EXO1: variants seen among roughly 807,000 people sequenced by gnomAD.
EXO1 encodes exonuclease 1.
EXO1 carries 69 observed loss-of-function variants against 84.5 expected under a neutral mutation model. The observed-to-expected ratio is 0.82, with a 90% CI of 0.67 to 1.00. The LOEUF is 1.00. Ranked by LOEUF, EXO1 falls within the 50% of genes least tolerant of loss-of-function variation. EXO1 has a pLI of 0.00. For missense variants in EXO1, 1,045 were observed against 1,000.7 expected, an observed-to-expected ratio of 1.04 and a Z score of -0.60; for synonymous variants, 373 against 366.1, an observed-to-expected ratio of 1.02 and a Z score of -0.21.
chr1:241,882,956 C>T (rs1018407604), intron 14 of EXO1, among the ~76,000 whole-genome samples: 2 of 152,040 alleles, frequency 1.3e-5, no homozygotes, highest in African/African-American at 4.8e-5. Context: ...CCTAAGGAAA[C>T]ATTGAGAATT....
intron 14 of EXO1, among the ~76,000 whole-genome samples, chr1:241,883,089 T>C (rs1662864697): frequency 6.6e-6 from 1 of 152,212 alleles, no homozygotes. Flanking sequence ...GGTAGAAATA[T>C]AGGTGAATTT....
intron 11 of EXO1, among the ~76,000 whole-genome samples, chr1:241,868,981 CTT>C (rs1482835828): frequency 3.3e-5 from 5 of 152,138 alleles, no homozygotes; most frequent in East Asian, 3.8e-4. Flanking sequence ...TCTAGTATCT[CTT>C]TTGTGGACTA....
intron 6 of EXO1, among the ~76,000 whole-genome samples, chr1:241,855,841 C>T (rs1431147503): frequency 6.6e-6 from 1 of 152,246 alleles, no homozygotes; most frequent in Non-Finnish European, 1.5e-5. Flanking sequence ...CCCTCATTGC[C>T]TGGGGCCGAC....
chr1:241,867,196 A>G, intron 11 of EXO1, 141 bp downstream of exon 11: 2 of 720,888 alleles, frequency 2.8e-6, no homozygotes, highest in South Asian at 3.0e-5. Flanking sequence ...CACCCTGCTG[A>G]TAAACACATA....
In EXO1 at chr1:241,850,662, C is replaced by T. The variant is rs1018704875; in HGVS notation, c.161+76C>T. 4.0e-5 allele frequency: 50 copies of T among 1,241,832 alleles called. No homozygotes were observed. The South Asian group carries it at 5.9e-4, about 15-fold the overall frequency. 76.9% of individuals were successfully genotyped at this position (1,241,832 alleles called of 1,614,324 possible). On this transcript the variant is annotated intron_variant, in intron 4 of 15. Transcript: ENST00000366548. ...AGTGCCTTTTTTTCTCCCCCAGAAA[C>T]GGATTGTTTTCACTCAATGCCAGAA...
At chr1:241,873,526 G>A (rs1242731535) in intron 12 of EXO1, among the ~76,000 whole-genome samples, 1 of 151,676 alleles carries the variant, frequency 6.6e-6, no homozygotes, top group Admixed American at 6.6e-5. Flanking sequence ...TTTCTTTGAG[G>A]GCTTCATACA....
intron 11 of EXO1, 136 bp from the exon 12 acceptor site, chr1:241,871,896 C>G (rs905985941): frequency 7.9e-6 from 5 of 631,830 alleles, no homozygotes; most frequent in Non-Finnish European, 1.3e-5. Flanking sequence ...CTTATGTTTT[C>G]TTTTCTGAGG....
intron 13 of EXO1, among the ~76,000 whole-genome samples, chr1:241,880,018 G>GA (rs934356224): frequency 2.7e-5 from 4 of 145,646 alleles, no homozygotes; most frequent in Admixed American, 1.4e-4. Context: ...AAAAAAAAAA[G>GA]AAAAAAAAAG....
At chr1:241,878,428 C>T (rs552802728) in intron 12 of EXO1, among the ~76,000 whole-genome samples, 6 of 149,282 alleles carry the variant, frequency 4.0e-5, no homozygotes, top group South Asian at 2.1e-4. Context: ...ACCCGGGGGG[C>T]GGAGGTTGCA....
chr1:241,860,241 C>G (rs1661303136), intron 8 of EXO1, among the ~76,000 whole-genome samples: 1 of 151,806 alleles, frequency 6.6e-6, no homozygotes, highest in Admixed American at 6.6e-5. Flanking sequence ...GATAATGTAT[C>G]TCAAAGTTAC....
intron 11 of EXO1, among the ~76,000 whole-genome samples, chr1:241,871,002 G>A (rs184072875): frequency 6.6e-6 from 1 of 152,192 alleles, no homozygotes; most frequent in East Asian, 1.9e-4. Context: ...TGATATGAGA[G>A]ACACTCAAAT....
intron 11 of EXO1, among the ~76,000 whole-genome samples, chr1:241,868,127 C>T (rs1661856878): frequency 6.6e-6 from 1 of 152,168 alleles, no homozygotes; most frequent in South Asian, 2.1e-4. Context: ...ATAATCCCAG[C>T]ACTTTGGGAG....
chr1:241,863,774 C>T (rs1441322591), intron 10 of EXO1, among the ~76,000 whole-genome samples: 1 of 152,178 alleles, frequency 6.6e-6, no homozygotes, highest in African/African-American at 2.4e-5. Flanking sequence ...CCATGTGTGG[C>T]TATTTAAATT....
Position 241,885,524 on chromosome 1 carries a change from CT to C in EXO1, c.2405+19del. On this transcript the variant is annotated intron_variant, in intron 15 of 15. Coordinates refer to ENST00000366548, the MANE Select transcript of EXO1 (RefSeq NM_130398.4). ...ATTTAAAAAGTGAGTTGCCTTGTTT[CT>C]TATTCTGAAACAAGATAAACTGTTA... is the stretch of plus-strand genomic sequence containing the variant. The C allele has an allele frequency of 6.3e-7, 1 of 1,577,354 alleles. No individual in the cohort carries two copies. Among genetic ancestry groups the C allele is most frequent in the Non-Finnish European group, 8.7e-7 (1 of 1,146,760 alleles).
At chr1:241,858,792 G>A in intron 8 of EXO1, 74 bp downstream of exon 8, 1 of 983,508 alleles carries the variant, frequency 1.0e-6, no homozygotes. Flanking sequence ...TCATAATATG[G>A]ATTTAAATAT....
chr1:241,872,418 A>G (rs1429740925), intron 12 of EXO1, 140 bp downstream of exon 12: 14 of 861,902 alleles, frequency 1.6e-5, no homozygotes, highest in Non-Finnish European at 2.3e-5. Flanking sequence ...GTTTTGTTAC[A>G]TGGGTATACA....
intron 13 of EXO1, among the ~76,000 whole-genome samples, chr1:241,879,668 T>C (rs918290840): frequency 1.3e-5 from 2 of 152,204 alleles, no homozygotes; most frequent in Admixed American, 6.5e-5. Context: ...ATCAATTTAC[T>C]GTTTAAATCC....
At chr1:241,878,728 T>G in intron 12 of EXO1, 21 bp from the exon 13 acceptor site, 1 of 1,474,770 alleles carries the variant, frequency 6.8e-7, no homozygotes, top group Middle Eastern at 1.7e-4. Context: ...TACTTATTGT[T>G]TCTATTGCTT....
At position 241,885,396 on chromosome 1, in the gene EXO1, G is replaced by A. The variant is rs1485110249; in HGVS notation, c.2294G>A (p.Gly765Glu). ...CCTCTAGGACCTGCCAGAGCCAGTG[G>A]GCTGAGCAAGAAGCCGGCAAGCATC... ...IKPLGPARAS[G>E]LSKKPASIQK... The change falls in exon 15 of 16, where the codon GGG becomes GAG. Residue 765 changes from glycine to glutamate, a missense_variant. Coordinates refer to ENST00000366548, the MANE Select transcript of EXO1 (RefSeq NM_130398.4). 2 of 1,613,830 alleles carry A rather than the reference G, an allele frequency of 1.2e-6. No individual in the cohort carries two copies. Among genetic ancestry groups the A allele is most frequent in the South Asian group, 1.1e-5 (1 of 91,070 alleles).
Sources: allele counts gnomAD v4.1 joint callset (sites outside exome capture counted in the v4.1 genomes callset), GRCh38; gene constraint gnomAD v4.1.1; transcripts MANE v1.5; gene names NCBI Gene and HGNC (gene_info 2026-07-23, HGNC 2026-07-21).